Variants in ZC3H12C observed in about 807,000 individuals in gnomAD.
ZC3H12C encodes probable ribonuclease ZC3H12C.
A neutral mutation model predicts 76.3 loss-of-function variants in ZC3H12C; 20 were observed. The ratio of observed to expected loss-of-function variants is 0.26; its 90% CI spans 0.18 to 0.38. ZC3H12C has a LOEUF of 0.38. ZC3H12C is among the 10% of genes least tolerant of loss of function. ZC3H12C has a pLI of 1.00. For synonymous variants in ZC3H12C, 352 were observed against 399.6 expected, an observed-to-expected ratio of 0.88 and a Z score of 1.42; for missense variants, 874 against 1,086.5, an observed-to-expected ratio of 0.80 and a Z score of 2.75.
At chr11:110,103,396 T>C (rs1443062686) in intron 1 of ZC3H12C, among the ~76,000 whole-genome samples, 1 of 152,236 alleles carries the variant, frequency 6.6e-6, no homozygotes, top group East Asian at 1.9e-4. Flanking sequence ...TTTCAAATAA[T>C]ATGTAGCCTA....
chr11:110,106,184 C>T lies in ZC3H12C; in HGVS notation c.21+12752C>T, dbSNP rs889682041. Among the ~76,000 whole-genome samples the T allele has an allele frequency of 1.1e-4, 6 of 56,536 alleles. 2 individuals are homozygous for T. Among genetic ancestry groups the T allele is most frequent in the Admixed American group, 8.1e-4 (4 of 4,948 alleles). 37.1% of individuals were successfully genotyped at this position (56,536 alleles called of 152,430 possible). ...TCGGGAGGCTGAGGCAGGAGAATGG[C>T]GTGAACCCGGGAGGCGGAGCTTGCA... On this transcript the variant is annotated intron_variant, in intron 1 of 5. Coordinates refer to ENST00000278590, the MANE Select transcript of ZC3H12C (RefSeq NM_033390.2).
At chr11:110,162,529 ACTT>A (rs1232876540) in intron 4 of ZC3H12C, among the ~76,000 whole-genome samples, 1 of 152,194 alleles carries the variant, frequency 6.6e-6, no homozygotes, top group Non-Finnish European at 1.5e-5. Flanking sequence ...TTCAAGCATA[ACTT>A]CTTTTCATTA....
At chr11:110,112,037 G>A (rs1324855776) in intron 1 of ZC3H12C, among the ~76,000 whole-genome samples, 1 of 152,108 alleles carries the variant, frequency 6.6e-6, no homozygotes, top group African/African-American at 2.4e-5. Flanking sequence ...AAAGGTGCAG[G>A]GATAAGGAAG....
At chr11:110,139,995 C>T (rs867268131) in intron 2 of ZC3H12C, among the ~76,000 whole-genome samples, 1 of 150,624 alleles carries the variant, frequency 6.6e-6, no homozygotes, top group South Asian at 2.1e-4. Context: ...GTTCAGATGA[C>T]TTGTCGTTAA....
chr11:110,103,508 T>C (rs1861257001), intron 1 of ZC3H12C, among the ~76,000 whole-genome samples: 1 of 152,204 alleles, frequency 6.6e-6, no homozygotes, highest in Admixed American at 6.5e-5. Context: ...TTTAATTTAG[T>C]TTTGCAACTG....
intron 4 of ZC3H12C, among the ~76,000 whole-genome samples, chr11:110,162,072 G>A (rs1186073725): frequency 6.6e-6 from 1 of 152,182 alleles, no homozygotes; most frequent in Non-Finnish European, 1.5e-5. Flanking sequence ...GGGGGCGGAG[G>A]TTGCAGTGAG....
chr11:110,163,540 A>G (rs976438003), intron 5 of ZC3H12C, among the ~76,000 whole-genome samples, 161 bp downstream of exon 5: 2 of 152,176 alleles, frequency 1.3e-5, no homozygotes, highest in African/African-American at 4.8e-5. Flanking sequence ...AAAAAGAATT[A>G]TTTTTACCTG....
At chr11:110,093,515 G>T in intron 1 of ZC3H12C, 83 bp downstream of exon 1, 1 of 1,073,022 alleles carries the variant, frequency 9.3e-7, no homozygotes, top group Non-Finnish European at 1.2e-6. Context: ...GGGCCGCGGG[G>T]CCGCGCCCGG....
At chr11:110,145,988 A>G (rs552439277) in intron 2 of ZC3H12C, among the ~76,000 whole-genome samples, 1 of 152,122 alleles carries the variant, frequency 6.6e-6, no homozygotes, top group African/African-American at 2.4e-5. Flanking sequence ...GGTTTAGTTT[A>G]GTTTTGTTTT....
intron 1 of ZC3H12C, among the ~76,000 whole-genome samples, chr11:110,125,374 T>C (rs1591469013): frequency 6.6e-6 from 1 of 151,348 alleles, no homozygotes. Flanking sequence ...CAGGCTGGAG[T>C]GCAGTGGTGT....
chr11:110,146,523 A>T (rs756289508), intron 2 of ZC3H12C, among the ~76,000 whole-genome samples: 8 of 152,166 alleles, frequency 5.3e-5, no homozygotes, highest in Non-Finnish European at 1.0e-4. Context: ...TGGAGGGGGT[A>T]GTAAAGCTTC....
chr11:110,150,318 TAA>T (rs1458553991), intron 2 of ZC3H12C, among the ~76,000 whole-genome samples: 7 of 150,516 alleles, frequency 4.7e-5, no homozygotes, highest in East Asian at 2.0e-4. Flanking sequence ...TTTTTTTATT[TAA>T]GTCTTACCTT....
chr11:110,134,501 TG>T (rs1182484032), intron 1 of ZC3H12C, among the ~76,000 whole-genome samples: 1 of 112,036 alleles, frequency 8.9e-6, no homozygotes, highest in East Asian at 4.1e-4. Context: ...GATGCTGCTG[TG>T]ATTTTGTTAC....
chr11:110,137,062 A>G lies in ZC3H12C; in HGVS notation c.421A>G (p.Lys141Glu). 6.2e-7 allele frequency: 1 copy of G among 1,613,838 alleles called. No homozygotes were observed. The highest frequency in any genetic ancestry group is 1.7e-5 in the Admixed American group (1 of 59,970). ...GCGCAATGAAATTTTGCAAGACTTT[A>G]AACCTGAAGAGTCCCAGACTACATC... ...LKRNEILQDFKPEESQTTSKE... is the reference protein window; with the variant it reads ...LKRNEILQDFEPEESQTTSKE... The change falls in exon 2 of 6, where the codon AAA becomes GAA. Residue 141 changes from lysine to glutamate, a missense_variant. Transcript: ENST00000278590.
chr11:110,109,806 C>A (rs1420629566), intron 1 of ZC3H12C, among the ~76,000 whole-genome samples: 1 of 151,856 alleles, frequency 6.6e-6, no homozygotes. Flanking sequence ...ATTTTTATTT[C>A]TTTTTACTAC....
chr11:110,149,592 C>A (rs1173311819), intron 2 of ZC3H12C, among the ~76,000 whole-genome samples: 1 of 152,176 alleles, frequency 6.6e-6, no homozygotes, highest in Non-Finnish European at 1.5e-5. Context: ...TTTTATCAAT[C>A]TGATGGGTGT....
intron 1 of ZC3H12C, among the ~76,000 whole-genome samples, chr11:110,118,134 T>C (rs905858300): frequency 6.7e-6 from 1 of 149,492 alleles, no homozygotes; most frequent in Non-Finnish European, 1.5e-5. Flanking sequence ...CACACATATA[T>C]ATATATGTTG....
At chr11:110,128,229 G>A (rs547117941) in intron 1 of ZC3H12C, among the ~76,000 whole-genome samples, 2 of 151,938 alleles carry the variant, frequency 1.3e-5, no homozygotes, top group Admixed American at 6.6e-5. Context: ...AGTGGGAAGT[G>A]GACTAGGGCC....
At chr11:110,096,987 T>G (rs1861125021) in intron 1 of ZC3H12C, among the ~76,000 whole-genome samples, 1 of 152,250 alleles carries the variant, frequency 6.6e-6, no homozygotes, top group African/African-American at 2.4e-5. Context: ...ATAATATTTT[T>G]TATTGATTTT....
Sources: gnomAD v4.1 joint callset for allele counts (sites outside exome capture counted in the v4.1 genomes callset) on GRCh38, gnomAD v4.1.1 for gene constraint, MANE v1.5 for transcripts, NCBI Gene and HGNC (gene_info 2026-07-23, HGNC 2026-07-21) for gene names.